HMCN2: variants seen among roughly 807,000 people sequenced by gnomAD.
HMCN2 encodes the protein hemicentin 2.
HMCN2 carries 325 observed loss-of-function variants against 377.5 expected under a neutral mutation model. That is an observed-to-expected ratio of 0.86 (90% CI 0.79 to 0.94). The LOEUF is 0.94. Among genes scored for constraint, HMCN2 ranks in the 40% least tolerant of loss-of-function variants. The pLI is 0.00. For synonymous variants in HMCN2, 2,007 were observed against 2,046.8 expected (o/e 0.98, Z 0.53); for missense variants, 4,543 against 4,725.3 (o/e 0.96, Z 1.13).
At chr9:130,287,119 G>A (rs1835455382) in intron 4 of HMCN2, among the ~76,000 whole-genome samples, 1 of 152,130 alleles carries the variant, frequency 6.6e-6, no homozygotes, top group South Asian at 2.1e-4. Flanking sequence ...CTGACACTCA[G>A]CTTTCCGGAG....
intron 33 of HMCN2, 100 bp downstream of exon 33, chr9:130,355,954 C>A: frequency 1.1e-6 from 1 of 933,620 alleles, no homozygotes; most frequent in Non-Finnish European, 1.5e-6. Context: ...TTCCTGTTTC[C>A]AGGAGTAGGA....
At chr9:130,427,159 C>T (rs909892882) in intron 90 of HMCN2, among the ~76,000 whole-genome samples, 154 bp from the exon 91 acceptor site, 19 of 152,364 alleles carry the variant, frequency 1.2e-4, no homozygotes, top group African/African-American at 4.3e-4. Flanking sequence ...TCCAACAGGC[C>T]TGGGCAGGAA....
Position 130,349,092 on chromosome 9 carries a change from G to A in HMCN2, c.4264G>A (p.Ala1422Thr). The A allele has an allele frequency of 6.1e-6, 8 of 1,304,232 alleles. No homozygotes were observed. Among genetic ancestry groups the A allele is most frequent in the Non-Finnish European group, 8.1e-6 (8 of 988,920 alleles). The allele number at this position is 1,304,232 out of a possible 1,614,324, so 80.8% of individuals were successfully genotyped here. A position where few individuals can be genotyped will look rare whatever the true frequency, so the allele number is the denominator to read the frequency against. ...GLYSCRAENQAGTAQRDFHLL... is the reference protein window; with the variant it reads ...GLYSCRAENQTGTAQRDFHLL... ...CTACTCCTGCCGGGCAGAGAACCAG[G>A]CTGGCACCGCCCAGAGGGACTTCCA... The change falls in exon 28 of 98, where the codon GCT (alanine) becomes ACT (threonine). Residue 1422 changes from alanine to threonine, a missense_variant. Physicochemically the swap from Ala to Thr is moderately conservative, Grantham distance 58. Transcript: ENST00000683500.
At chr9:130,398,463 C>G (rs941872481) in intron 74 of HMCN2, 88 bp from the exon 75 acceptor site, 86 of 617,770 alleles carry the variant, frequency 1.4e-4, no homozygotes, top group Non-Finnish European at 1.8e-4. Context: ...AGACAGTAGG[C>G]AGTGGCTTTG....
chr9:130,369,743 C>T lies in HMCN2; in HGVS notation c.6961C>T (p.Gln2321Ter). 1 of 985,960 alleles carries T rather than the reference C, an allele frequency of 1.0e-6. No homozygotes were observed. The highest frequency in any genetic ancestry group is 4.7e-5 in the South Asian group (1 of 21,292). 61.1% of individuals were successfully genotyped at this position (985,960 alleles called of 1,614,324 possible). The change falls in exon 45 of 98, where the codon CAG (glutamine) becomes TAG (stop). Residue 2321 changes from glutamine to a stop codon, truncating the protein, a stop_gained. Coordinates refer to ENST00000683500, the MANE Select transcript of HMCN2 (RefSeq NM_001291815.2). LOFTEE classifies it high-confidence loss of function. This position sits in a 1 kb window ranked among gnomAD's most constrained non-coding sequence, Gnocchi z 4.5. ...GGGCCTGCAGCTGCAGAACCAGGGTCAGAGCCTGCATGTGGAGCGGGCCCA... is the reference window on the plus strand; with the variant it reads ...GGGCCTGCAGCTGCAGAACCAGGGTTAGAGCCTGCATGTGGAGCGGGCCCA... ...ELGLQLQNQGQSLHVERAQAA... is the reference protein window; with the variant it reads ...ELGLQLQNQG
chr9:130,425,089 G>T lies in HMCN2; in HGVS notation c.13600G>T (p.Val4534Phe). The change falls in exon 89 of 98, where the codon GTT (valine) becomes TTT (phenylalanine). Residue 4534 changes from valine to phenylalanine, a missense_variant. By Grantham distance (50) the Val-to-Phe change is conservative. Transcript: ENST00000683500. ...GCTCCTCGACGTGGTGGTCAATGGC[G>T]TTGTCCCCGAGAGCCTGGCTGACGC... ...LLLLDVVVNG[V>F]VPESLADADL... 7 of 1,549,976 alleles carry T rather than the reference G, an allele frequency of 4.5e-6. No individual in the cohort carries two copies. The highest frequency in any genetic ancestry group is 6.1e-6 in the Non-Finnish European group (7 of 1,146,846).
At chr9:130,427,420 C>T in intron 91 of HMCN2, 45 bp downstream of exon 91, 1 of 1,550,514 alleles carries the variant, frequency 6.4e-7, no homozygotes, top group Non-Finnish European at 8.7e-7. Flanking sequence ...GCCTCTCAGC[C>T]TGGGATGGAT....
intron 28 of HMCN2, 45 bp from the exon 29 acceptor site, chr9:130,349,492 C>T (rs1329184632): frequency 5.4e-6 from 7 of 1,293,588 alleles, no homozygotes; most frequent in South Asian, 1.3e-5. Context: ...GCGGGGCTTG[C>T]AGGGTTTGAA....
rs1456131348 is a variant in HMCN2 at position 130,403,277 on chromosome 9, A to AT, written c.11963dup (p.Arg3990ProfsTer45). On this transcript the variant is annotated frameshift_variant, in exon 79 of 98. Transcript: ENST00000683500. LOFTEE classifies it high-confidence loss of function. Reference sequence around the variant, plus strand: ...GCTGCTGCCCTGCGAGGCCTCAGGCATCCCCCGGCCGACCATCACCTGGCA... The same window carrying AT: ...GCTGCTGCCCTGCGAGGCCTCAGGCATTCCCCCGGCCGACCATCACCTGGCA... 1.6e-6 allele frequency: 2 copies of AT among 1,289,684 alleles called. No homozygotes were observed. The highest frequency in any genetic ancestry group is 4.6e-5 in the Admixed American group (2 of 43,546). The allele number at this position is 1,289,684 out of a possible 1,614,324, so 79.9% of individuals were successfully genotyped here. A position where few individuals can be genotyped will look rare whatever the true frequency, so the allele number is the denominator to read the frequency against.
chr9:130,289,321 A>G (rs1835607715), intron 4 of HMCN2, among the ~76,000 whole-genome samples: 1 of 151,604 alleles, frequency 6.6e-6, no homozygotes. Flanking sequence ...CTTCTAAGAC[A>G]GTAAGGGCGG....
intron 56 of HMCN2, 74 bp from the exon 57 acceptor site, chr9:130,383,430 C>T (rs1017351460): frequency 1.1e-5 from 7 of 654,108 alleles, no homozygotes; most frequent in East Asian, 1.4e-4. Context: ...AGGGATTCCT[C>T]GCAGTCATTC....
chr9:130,422,909 C>A lies in HMCN2; in HGVS notation c.13381+183C>A, dbSNP rs1844103705. The stretch of plus-strand genomic sequence containing the variant: ...GTGCAATCCAAAGTGGACTCAGATG[C>A]AGGCAACTTCCTGTCCCCCTCACAA... On this transcript the variant is annotated intron_variant, in intron 87 of 97. Coordinates refer to ENST00000683500, the MANE Select transcript of HMCN2 (RefSeq NM_001291815.2). This position sits in a 1 kb window ranked among gnomAD's most constrained non-coding sequence, Gnocchi z 4.2. Among the ~76,000 whole-genome samples, 3 of 152,204 alleles carry A rather than the reference C, an allele frequency of 2.0e-5. No individual in the cohort carries two copies. The highest frequency in any genetic ancestry group is 2.0e-4 in the Admixed American group (3 of 15,284).
At chr9:130,430,627 C>A (rs1435778265) in intron 95 of HMCN2, 23 bp downstream of exon 95, 1 of 1,529,624 alleles carries the variant, frequency 6.5e-7, no homozygotes, top group African/African-American at 1.4e-5. Context: ...CCTGACCATC[C>A]ACGGGACACT....
intron 62 of HMCN2, among the ~76,000 whole-genome samples, chr9:130,390,510 T>A (rs996472707): frequency 6.6e-6 from 1 of 152,082 alleles, no homozygotes; most frequent in Non-Finnish European, 1.5e-5. Flanking sequence ...GAGAGATGGC[T>A]TTGGGCAGGG....
intron 16 of HMCN2, 22 bp downstream of exon 16, chr9:130,319,717 G>C: frequency 6.6e-6 from 1 of 152,288 alleles, no homozygotes; most frequent in South Asian, 2.1e-4. Context: ...GGGCTGGTGG[G>C]GGGTGGGCAG....
At chr9:130,407,775 C>T (rs575491754) in intron 83 of HMCN2, 70 bp downstream of exon 83, 1 of 1,113,166 alleles carries the variant, frequency 9.0e-7, no homozygotes, top group Admixed American at 4.4e-5. Flanking sequence ...CTATTGGTTT[C>T]CTAAGAACCC....
chr9:130,307,791 C>T (rs1046662042), intron 14 of HMCN2, among the ~76,000 whole-genome samples: 1 of 152,148 alleles, frequency 6.6e-6, no homozygotes, highest in Non-Finnish European at 1.5e-5. Context: ...AGCACTGAGC[C>T]AGGCCCAGAT....
intron 23 of HMCN2, among the ~76,000 whole-genome samples, chr9:130,340,143 C>T (rs1017465817): frequency 4.6e-5 from 7 of 152,318 alleles, no homozygotes; most frequent in African/African-American, 7.2e-5. Flanking sequence ...TAGGAAGGAC[C>T]GAGTGAGATG....
intron 22 of HMCN2, among the ~76,000 whole-genome samples, chr9:130,336,109 G>A (rs1182209119): frequency 6.6e-6 from 1 of 152,104 alleles, no homozygotes; most frequent in Admixed American, 6.6e-5. Flanking sequence ...GTGAGTGAGA[G>A]AGAGAGAAAG....
Sources: gnomAD v4.1 joint callset for allele counts (sites outside exome capture counted in the v4.1 genomes callset) on GRCh38, gnomAD v4.1.1 for gene constraint, Gnocchi (gnomAD v3.1) non-coding constraint, MANE v1.5 for transcripts, NCBI Gene and HGNC (gene_info 2026-07-23, HGNC 2026-07-21) for gene names.